The following ZNF83 variants were observed in gnomAD, a reference collection of about 807,000 sequenced individuals.
ZNF83 encodes the protein zinc finger protein 83, also known as zinc finger protein 816B.
For missense variants in ZNF83, 552 were observed against 629.9 expected (o/e 0.88, Z 1.32); for synonymous variants, 209 against 213.0 (o/e 0.98, Z 0.17).
chr19:52,686,139 A>T (rs1229667587), intron 1 of ZNF83, among the ~76,000 whole-genome samples: 1 of 152,226 alleles, frequency 6.6e-6, no homozygotes, highest in East Asian at 1.9e-4. Flanking sequence ...CATCTTTACC[A>T]GGTACACACT....
chr19:52,682,626 C>A (rs1367776887), intron 1 of ZNF83, among the ~76,000 whole-genome samples: 4 of 151,992 alleles, frequency 2.6e-5, no homozygotes, highest in Non-Finnish European at 4.4e-5. Context: ...TGAGATTGCA[C>A]CACTGCTCTC....
At chr19:52,622,391 A>G (rs1481063159) in intron 2 of ZNF83, among the ~76,000 whole-genome samples, 1 of 152,068 alleles carries the variant, frequency 6.6e-6, no homozygotes, top group Non-Finnish European at 1.5e-5. Context: ...ATGTCATCCT[A>G]CCTTCTACCC....
intron 2 of ZNF83, among the ~76,000 whole-genome samples, chr19:52,658,513 C>T (rs902587190): frequency 2.0e-5 from 3 of 152,010 alleles, no homozygotes; most frequent in African/African-American, 4.8e-5. Context: ...TGGAGTAAGC[C>T]GAGATTGCAC....
upstream of ZNF83, among the ~76,000 whole-genome samples, chr19:52,639,441 CAG>C (rs1024541284): frequency 8.6e-5 from 2 of 23,148 alleles, no homozygotes; most frequent in East Asian, 1.9e-3. Flanking sequence ...TTTTTTGAGG[CAG>C]AGTTTTCTTT....
At chr19:52,644,194 AT>A (rs2061344695) in intron 3 of ZNF83, among the ~76,000 whole-genome samples, 8 of 134,484 alleles carry the variant, frequency 5.9e-5, no homozygotes, top group African/African-American at 1.7e-4. Flanking sequence ...TTTTTTTTTC[AT>A]TTTTAGGGTA....
Position 52,659,613 on chromosome 19 carries a change from C to CAAAAAA in ZNF83, c.-201+1143_-201+1148dup, listed in dbSNP as rs67918270. Among the ~76,000 whole-genome samples, 97 of 114,268 alleles carry CAAAAAA rather than the reference C, an allele frequency of 8.5e-4. 1 individual carries two copies. Among genetic ancestry groups the CAAAAAA allele is most frequent in the African/African-American group, 2.7e-3 (84 of 30,966 alleles). The allele number at this position is 114,268 out of a possible 152,430, so 75.0% of individuals were successfully genotyped here. ...ACCTCAACAGAGCAAGACTCCAACT[C>CAAAAAA]AAAAAAAAAAAAAAGAGTACCAGAA... On this transcript the variant is annotated intron_variant, in intron 2 of 5. Coordinates refer to the ZNF83 transcript ENST00000594682.
chr19:52,658,563 C>T (rs2061537607), intron 2 of ZNF83, among the ~76,000 whole-genome samples: 3 of 152,098 alleles, frequency 2.0e-5, no homozygotes, highest in Middle Eastern at 3.2e-3. Context: ...GGGATTTACT[C>T]AAGATAGGGG....
chr19:52,677,322 A>T (rs1299890724), intron 1 of ZNF83, among the ~76,000 whole-genome samples: 1 of 147,932 alleles, frequency 6.8e-6, no homozygotes, highest in African/African-American at 2.5e-5. Flanking sequence ...AAAAAAAAAA[A>T]AAAAAAAACA....
At chr19:52,686,529 A>T (rs2062019834) in intron 1 of ZNF83, among the ~76,000 whole-genome samples, 1 of 151,472 alleles carries the variant, frequency 6.6e-6, no homozygotes, top group African/African-American at 2.4e-5. Flanking sequence ...TCTATTACAC[A>T]ACAAGAACAA....
exon 3 of ZNF83, chr19:52,613,509 C>T (rs201638086): frequency 6.2e-7 from 1 of 1,612,362 alleles, no homozygotes; most frequent in Non-Finnish European, 8.5e-7. Context: ...GACTGAAGAC[C>T]TTGCCACATT....
At chr19:52,614,567 C>A in exon 3 of ZNF83, 1 of 1,575,546 alleles carries the variant, frequency 6.3e-7, no homozygotes. Flanking sequence ...CCATGCATGT[C>A]TCTTCTACCA....
chr19:52,652,038 C>G, intron 3 of ZNF83: 1 of 231,480 alleles, frequency 4.3e-6, no homozygotes, highest in South Asian at 6.7e-5. Context: ...TTCTACTGTT[C>G]TGCAAGGAGT....
At chr19:52,685,032 G>A (rs906860000) in intron 1 of ZNF83, among the ~76,000 whole-genome samples, 1 of 152,220 alleles carries the variant, frequency 6.6e-6, no homozygotes, top group Non-Finnish European at 1.5e-5. Flanking sequence ...TGGTCTCTGT[G>A]TCTGAGTCTA....
rs1315060517 is a variant in ZNF83, at chr19:52,631,083, G to A, written c.-234+3983C>T. On this transcript the variant is annotated intron_variant, in intron 2 of 2. Coordinates refer to ENST00000301096, the Ensembl canonical transcript of ZNF83. ...TCCCAGCCTCTCTTCGCTTTCACTT[G>A]GACTGACCCTGACACCCATTAGGCT... Among the ~76,000 whole-genome samples the A allele has an allele frequency of 2.1e-5, 3 of 139,744 alleles. No individual in the cohort carries two copies. In the East Asian group the frequency reaches 5.9e-4, roughly 27 times the overall value. 91.7% of individuals were successfully genotyped at this position (139,744 alleles called of 152,430 possible).
chr19:52,638,513 C>G (rs2147212768), upstream of ZNF83: 1 of 148,648 alleles, frequency 6.7e-6, no homozygotes, highest in African/African-American at 2.5e-5. Flanking sequence ...AGTCTCTCAG[C>G]ATCGTTCCCA....
chr19:52,634,320 T>A (rs1228851356), intron 2 of ZNF83, among the ~76,000 whole-genome samples: 1 of 142,588 alleles, frequency 7.0e-6, no homozygotes, highest in Non-Finnish European at 1.5e-5. Context: ...AATGAGAATA[T>A]GGCTCCATCC....
chr19:52,656,661 A>T (rs1382330002), intron 2 of ZNF83, among the ~76,000 whole-genome samples: 1 of 152,124 alleles, frequency 6.6e-6, no homozygotes, highest in African/African-American at 2.4e-5. Context: ...AAGTCAAGAG[A>T]TTAAGACAAG....
intron 1 of ZNF83, among the ~76,000 whole-genome samples, chr19:52,680,903 C>T (rs1010722631): frequency 6.6e-5 from 10 of 151,774 alleles, no homozygotes; most frequent in East Asian, 2.0e-4. Context: ...TGAGCCACCG[C>T]GCCCGGCCTC....
In ZNF83 at chr19:52,688,950, GAAAAAA is replaced by G. The variant is rs56247444; in HGVS notation, c.-283+1487_-283+1492del. 4.6e-3 allele frequency among the ~76,000 whole-genome samples: 582 copies of G among 126,792 alleles called. 3 individuals are homozygous for G. The highest frequency in any genetic ancestry group is 0.013 in the East Asian group (54 of 4,244). 83.2% of individuals were successfully genotyped at this position (126,792 alleles called of 152,430 possible). On this transcript the variant is annotated intron_variant, in intron 1 of 5. Transcript: ENST00000594682. The stretch of plus-strand genomic sequence containing the variant: ...CCCACCTTCCAGAGCAAGGTTGAAG[GAAAAAA>G]AAAAAAAAAAAAAAAAGAGAGAGAT...
Sources: gnomAD v4.1 joint callset for allele counts (sites outside exome capture counted in the v4.1 genomes callset) on GRCh38, gnomAD v4.1.1 for gene constraint, MANE v1.5 for transcripts, NCBI Gene and HGNC (gene_info 2026-07-23, HGNC 2026-07-21) for gene names.